Variants in CHKA observed in about 807,000 individuals in gnomAD.
The protein encoded by CHKA is CHETK-alpha.
A neutral mutation model predicts 60.1 loss-of-function variants in CHKA; 34 were observed. That is an observed-to-expected ratio of 0.57 (90% CI 0.43 to 0.75). The LOEUF (loss-of-function observed/expected upper bound fraction) is 0.75. CHKA is among the 30% of genes least tolerant of loss of function. The probability of loss-of-function intolerance (pLI) is 0.00; values close to 1 mark genes in which losing one functional copy is unlikely to be tolerated. For synonymous variants in CHKA, 217 were observed against 223.1 expected, an observed-to-expected ratio of 0.97 and a Z score of 0.24; for missense variants, 563 against 561.3, an observed-to-expected ratio of 1.00 and a Z score of -0.03.
chr11:68,113,700 A>G lies in CHKA; in HGVS notation c.350+7128T>C, dbSNP rs993488979. 2.0e-5 allele frequency among the ~76,000 whole-genome samples: 3 copies of G among 151,704 alleles called. No individual in the cohort carries two copies. The East Asian group carries it at 5.8e-4, about 29-fold the overall frequency. On this transcript the variant is annotated intron_variant, in intron 1 of 11. Transcript: ENST00000265689. ...AAAGAGCAAGACTCTGTCTCAAAACAAAAACAAAAAACAGCCAGGCGCGAT... is the reference window on the plus strand; with the variant it reads ...AAAGAGCAAGACTCTGTCTCAAAACGAAAACAAAAAACAGCCAGGCGCGAT...
chr11:68,066,525 G>T lies in CHKA; in HGVS notation c.929-9C>A, dbSNP rs1411550865. ...CAGCAACAAGATATTACCTGCAAAAGGTTTGGATAACATGGTTTATGTTTT... is the reference window on the plus strand; with the variant it reads ...CAGCAACAAGATATTACCTGCAAAATGTTTGGATAACATGGTTTATGTTTT... On this transcript the variant is annotated splice_polypyrimidine_tract_variant and intron_variant, in intron 7 of 11. Coordinates refer to ENST00000265689, the MANE Select transcript of CHKA (RefSeq NM_001277.3). 1 of 1,608,736 alleles carries T rather than the reference G, an allele frequency of 6.2e-7. No homozygotes were observed. Among genetic ancestry groups the T allele is most frequent in the Admixed American group, 1.7e-5 (1 of 59,998 alleles).
chr11:68,080,771 A>G (rs1565181300), intron 3 of CHKA, among the ~76,000 whole-genome samples: 4 of 152,256 alleles, frequency 2.6e-5, no homozygotes. Flanking sequence ...GTGAGCCTGC[A>G]CATAATGGCA....
At chr11:68,101,021 C>T (rs1857698797) in intron 1 of CHKA, among the ~76,000 whole-genome samples, 1 of 142,180 alleles carries the variant, frequency 7.0e-6, no homozygotes, top group African/African-American at 2.7e-5. Context: ...GATCTCGGCT[C>T]ACTGCAAGCT....
rs1483286585 is a variant in CHKA at position 68,066,514 on chromosome 11, T to C, written c.931A>G (p.Asn311Asp). Residue 311 changes from asparagine (N) to aspartate (D), a missense_variant and splice_region_variant, in exon 8 of 12, where the codon AAT (asparagine) becomes GAT (aspartate). By Grantham distance (23) the Asn-to-Asp change is conservative. Transcript: ENST00000265689. ...VFCHNDCQEG[N>D]ILLLEGRENS... ...TCTCGGCCTTCCAGCAACAAGATAT[T>C]ACCTGCAAAAGGTTTGGATAACATG... 6.2e-7 allele frequency: 1 copy of C among 1,613,236 alleles called. No homozygotes were observed. The highest frequency in any genetic ancestry group is 1.7e-5 in the Admixed American group (1 of 60,030).
At chr11:68,065,302 G>A (rs959745218) in intron 9 of CHKA, among the ~76,000 whole-genome samples, 1 of 152,226 alleles carries the variant, frequency 6.6e-6, no homozygotes, top group African/African-American at 2.4e-5. Flanking sequence ...CTGGCACAGA[G>A]ATTTTTAATA....
chr11:68,055,579 C>T (rs1163955737), intron 11 of CHKA, among the ~76,000 whole-genome samples: 2 of 152,152 alleles, frequency 1.3e-5, no homozygotes, highest in East Asian at 1.9e-4. Flanking sequence ...TCCATGTGCT[C>T]GCCATTTGGG....
chr11:68,072,106 C>A, intron 4 of CHKA, among the ~76,000 whole-genome samples: 1 of 152,216 alleles, frequency 6.6e-6, no homozygotes, highest in East Asian at 1.9e-4. Context: ...CAGATATGAA[C>A]AAATCTCAGT....
intron 10 of CHKA, among the ~76,000 whole-genome samples, chr11:68,063,262 G>T (rs922974709): frequency 6.6e-6 from 1 of 152,128 alleles, no homozygotes; most frequent in Admixed American, 6.6e-5. Context: ...ACTTTGGGGG[G>T]CCAAGGCAGG....
intron 7 of CHKA, among the ~76,000 whole-genome samples, chr11:68,067,033 A>T (rs35046555): frequency 6.6e-6 from 1 of 152,068 alleles, no homozygotes; most frequent in Non-Finnish European, 1.5e-5. Flanking sequence ...TTCCTTCCCA[A>T]GGAGACCACA....
At chr11:68,090,287 A>G (rs957543644) in intron 2 of CHKA, among the ~76,000 whole-genome samples, 7 of 152,224 alleles carry the variant, frequency 4.6e-5, no homozygotes, top group African/African-American at 1.4e-4. Context: ...CCTTAGGAAC[A>G]CAGAATTAAA....
At chr11:68,084,267 T>C (rs1206030138) in intron 2 of CHKA, among the ~76,000 whole-genome samples, 2 of 145,196 alleles carry the variant, frequency 1.4e-5, no homozygotes, top group Non-Finnish European at 3.0e-5. Flanking sequence ...AAAAAATACA[T>C]ATATACGTAT....
intron 2 of CHKA, among the ~76,000 whole-genome samples, chr11:68,083,636 T>C (rs1338367434): frequency 6.6e-6 from 1 of 152,168 alleles, no homozygotes; most frequent in Non-Finnish European, 1.5e-5. Flanking sequence ...AGTTAAAAAT[T>C]GGCTGAGGCC....
At chr11:68,104,817 A>T (rs1857853588) in intron 1 of CHKA, among the ~76,000 whole-genome samples, 1 of 152,114 alleles carries the variant, frequency 6.6e-6, no homozygotes, top group African/African-American at 2.4e-5. Flanking sequence ...AAAATTATAA[A>T]ATTCTGGCCG....
At position 68,070,961 on chromosome 11, in the gene CHKA, G is replaced by T. The variant is rs767519579; in HGVS notation, c.631-104C>A. 9 of 1,152,440 alleles carry T rather than the reference G, an allele frequency of 7.8e-6. No homozygotes were observed. In the East Asian group the frequency reaches 2.0e-4, roughly 25 times the overall value. The allele number at this position is 1,152,440 out of a possible 1,614,324, so 71.4% of individuals were successfully genotyped here. Reference sequence around the variant, plus strand: ...AGAAGTGTTTTTGTAGTGCATTTAAGTCTCACCCAATGCCCCAAATTCCCT... The same window carrying T: ...AGAAGTGTTTTTGTAGTGCATTTAATTCTCACCCAATGCCCCAAATTCCCT... On this transcript the variant is annotated intron_variant, in intron 4 of 11. Transcript: ENST00000265689.
At chr11:68,108,263 G>A (rs569013725) in intron 1 of CHKA, among the ~76,000 whole-genome samples, 10 of 152,092 alleles carry the variant, frequency 6.6e-5, no homozygotes, top group Non-Finnish European at 1.3e-4. Context: ...GGCTGCAGTT[G>A]AGCTATGATC....
At chr11:68,081,029 C>G (rs1015381012) in intron 3 of CHKA, among the ~76,000 whole-genome samples, 60 of 152,362 alleles carry the variant, frequency 3.9e-4, no homozygotes, top group African/African-American at 1.4e-3. Context: ...GACCCGCTTC[C>G]TGATGGGAAG....
intron 3 of CHKA, among the ~76,000 whole-genome samples, chr11:68,080,270 G>A (rs1043481976): frequency 6.6e-6 from 1 of 152,106 alleles, no homozygotes; most frequent in Non-Finnish European, 1.5e-5. Context: ...AAAACAAGCC[G>A]CTGAAAAGTG....
intron 1 of CHKA, among the ~76,000 whole-genome samples, chr11:68,117,443 C>CT (rs1393770373): frequency 6.6e-6 from 1 of 152,308 alleles, no homozygotes; most frequent in African/African-American, 2.4e-5. Context: ...AATCCCAGCA[C>CT]TTTGGGAGGC....
At chr11:68,102,084 A>G (rs1197451744) in intron 1 of CHKA, among the ~76,000 whole-genome samples, 1 of 150,910 alleles carries the variant, frequency 6.6e-6, no homozygotes, top group Non-Finnish European at 1.5e-5. Context: ...TGGGTGACAG[A>G]GCAAGACTCT....
Sources: allele counts gnomAD v4.1 joint callset (sites outside exome capture counted in the v4.1 genomes callset), GRCh38; gene constraint gnomAD v4.1.1; transcripts MANE v1.5; gene names NCBI Gene and HGNC (gene_info 2026-07-23, HGNC 2026-07-21).